The following MYO1C variants were observed in gnomAD, a reference collection of about 807,000 sequenced individuals.
MYO1C encodes the protein myosin IC.
A neutral mutation model predicts 150.8 loss-of-function variants in MYO1C; 104 were observed. The observed-to-expected ratio is 0.69, with a 90% CI of 0.59 to 0.81. The LOEUF is 0.81. Ranked by LOEUF, MYO1C falls within the 30% of genes least tolerant of loss-of-function variation. The probability of loss-of-function intolerance (pLI) is 0.00; values close to 1 mark genes in which losing one functional copy is unlikely to be tolerated. For synonymous variants in MYO1C, 663 were observed against 579.9 expected (o/e 1.14, Z -2.06); for missense variants, 1,504 against 1,435.0 (o/e 1.05, Z -0.78).
In MYO1C at chr17:1,468,305, G is replaced by C; in HGVS notation, c.2708C>G (p.Thr903Arg). 6.2e-7 allele frequency: 1 copy of C among 1,614,012 alleles called. No individual in the cohort carries two copies. The highest frequency in any genetic ancestry group is 8.5e-7 in the Non-Finnish European group (1 of 1,180,024). Residue 903 changes from threonine (T) to arginine (R), a missense_variant, in exon 27 of 32, where the codon ACA becomes AGA. Thr to Arg is a moderately conservative substitution (Grantham distance 71). Transcript: ENST00000648651. Reference sequence around the variant, plus strand: ...CAGCACTCGGGGGCTGATCTCATCTGTACCTGCAACTCAGATGGCGGGGAG... The same window carrying C: ...CAGCACTCGGGGGCTGATCTCATCTCTACCTGCAACTCAGATGGCGGGGAG... The part of the protein sequence containing the change: ...PRLFISTRLG[T>R]DEISPRVLQA...
chr17:1,487,279 T>C (rs2074674079), intron 1 of MYO1C, among the ~76,000 whole-genome samples: 2 of 152,166 alleles, frequency 1.3e-5, no homozygotes, highest in Non-Finnish European at 2.9e-5. Flanking sequence ...GGGGAGAGCC[T>C]CAGGCGCGTC....
In MYO1C at chr17:1,470,480, C is replaced by G; in HGVS notation, c.2321G>C (p.Arg774Pro). The G allele has an allele frequency of 6.4e-7, 1 of 1,551,174 alleles. No homozygotes were observed. The highest frequency in any genetic ancestry group is 8.7e-7 in the Non-Finnish European group (1 of 1,147,242). Residue 774 changes from arginine to proline, a missense_variant, in exon 23 of 32, where the codon CGG becomes CCG. By Grantham distance (103) the Arg-to-Pro change is moderately radical (BLOSUM62 -2). Transcript: ENST00000648651. ...IQSWWRGTLGRRKAAKRKWAA... is the reference protein window; with the variant it reads ...IQSWWRGTLGPRKAAKRKWAA... ...CCACTTCCTCTTGGCTGCCTTCCTCCGGCCCAGTGTTCCACGCCACCACGA... is the reference window on the plus strand; with the variant it reads ...CCACTTCCTCTTGGCTGCCTTCCTCGGGCCCAGTGTTCCACGCCACCACGA...
Position 1,465,589 on chromosome 17 carries a change from C to T in MYO1C, c.*137G>A. 4.3e-6 allele frequency: 4 copies of T among 928,586 alleles called. No homozygotes were observed. The highest frequency in any genetic ancestry group is 6.0e-6 in the Non-Finnish European group (4 of 671,166). 57.5% of individuals were successfully genotyped at this position (928,586 alleles called of 1,614,324 possible). On this transcript the variant is annotated 3_prime_UTR_variant, in exon 32 of 32. Coordinates refer to ENST00000648651, the MANE Select transcript of MYO1C (RefSeq NM_001080779.2). ...GCTGCTCCCTCAAGAGAGGGATGGG[C>T]AGGAGGTGGGAGATTGCAGGTGGGC... is the stretch of plus-strand genomic sequence containing the variant.
Position 1,479,759 on chromosome 17 carries a change from G to T in MYO1C, c.907-54C>A. On this transcript the variant is annotated intron_variant, in intron 7 of 31. Coordinates refer to ENST00000648651, the MANE Select transcript of MYO1C (RefSeq NM_001080779.2). The surrounding 1 kb of genome is among the most constrained non-coding windows in gnomAD (Gnocchi z 4.2). ...GGTGAGAGGGGCCAGAGAGCCCCAA[G>T]AGGGCAACTAGCAGATGGCCATGCA... 4 of 1,334,336 alleles carry T rather than the reference G, an allele frequency of 3.0e-6. No individual in the cohort carries two copies. Among genetic ancestry groups the T allele is most frequent in the Non-Finnish European group, 3.2e-6 (3 of 945,640 alleles). 82.7% of individuals were successfully genotyped at this position (1,334,336 alleles called of 1,614,324 possible).
Position 1,478,728 on chromosome 17 carries a change from C to T in MYO1C, c.1100G>A (p.Ser367Asn). The change falls in exon 10 of 32, where the codon AGC becomes AAC. Residue 367 changes from serine (S) to asparagine (N), a missense_variant. By Grantham distance (46) the Ser-to-Asn change is conservative. Coordinates refer to ENST00000648651, the MANE Select transcript of MYO1C (RefSeq NM_001080779.2). This position sits in a 1 kb window ranked among gnomAD's most constrained non-coding sequence, Gnocchi z 6.3. ...KIIAKGEELL[S>N]PLNLEQAAYA... ...CGCGGCCTGCTCCAGGTTCAGCGGG[C>T]TCAGGAGCTGTGGACGCAGCGTGAG... The T allele has an allele frequency of 6.2e-7, 1 of 1,614,040 alleles. No homozygotes were observed. The highest frequency in any genetic ancestry group is 1.1e-5 in the South Asian group (1 of 91,082).
At chr17:1,486,479 TCG>T (rs1334118491) in intron 1 of MYO1C, among the ~76,000 whole-genome samples, 2 of 149,664 alleles carry the variant, frequency 1.3e-5, no homozygotes, top group Non-Finnish European at 3.0e-5. Context: ...GACACCCCAC[TCG>T]CCTCTGGGCC....
chr17:1,482,453 C>G, intron 5 of MYO1C, 25 bp downstream of exon 5: 1 of 1,606,344 alleles, frequency 6.2e-7, no homozygotes, highest in Non-Finnish European at 8.5e-7. Flanking sequence ...AATGGGAATC[C>G]TCACGACACA....
intron 17 of MYO1C, 49 bp downstream of exon 17, chr17:1,474,561 G>A (rs1444273139): frequency 2.5e-6 from 4 of 1,584,904 alleles, no homozygotes; most frequent in Non-Finnish European, 2.6e-6. Context: ...AGGCCCTCAT[G>A]CACACTCAGG....
At chr17:1,483,896 G>T (rs1042806884) in intron 2 of MYO1C, among the ~76,000 whole-genome samples, 171 bp from the exon 3 acceptor site, 5 of 152,098 alleles carry the variant, frequency 3.3e-5, no homozygotes, top group Admixed American at 3.3e-4. Context: ...TACAAAATTA[G>T]CCGGGCGTGG....
At chr17:1,482,840 G>A in intron 4 of MYO1C, 21 bp downstream of exon 4, 1 of 1,200,878 alleles carries the variant, frequency 8.3e-7, no homozygotes, top group Non-Finnish European at 1.2e-6. Context: ...CTGGCACTGG[G>A]CTTCTCTCCC....
chr17:1,480,131 C>T (rs1451814543), intron 7 of MYO1C, among the ~76,000 whole-genome samples: 104 of 82,094 alleles, frequency 1.3e-3, no homozygotes, highest in South Asian at 3.7e-3. Context: ...GGCGAAAGAG[C>T]GAGACTCCAT....
chr17:1,474,551 A>T, intron 17 of MYO1C, 59 bp downstream of exon 17: 1 of 1,558,118 alleles, frequency 6.4e-7, no homozygotes, highest in Non-Finnish European at 8.8e-7. Flanking sequence ...AGGCTCACAC[A>T]GGCCCTCATG....
At chr17:1,480,672 T>C in intron 6 of MYO1C, 34 bp downstream of exon 6, 1 of 1,614,016 alleles carries the variant, frequency 6.2e-7, no homozygotes, top group Non-Finnish European at 8.5e-7. Context: ...ACCAGATCCC[T>C]GGGTGGCACC....
intron 1 of MYO1C, among the ~76,000 whole-genome samples, chr17:1,488,872 G>A (rs773006748): frequency 7.2e-5 from 11 of 152,164 alleles, no homozygotes; most frequent in African/African-American, 1.2e-4. Context: ...GGCATTTACT[G>A]GAACCACAGG....
Position 1,468,411 on chromosome 17 carries a change from G to A in MYO1C, c.2696C>T (p.Thr899Ile). The change falls in exon 26 of 32, where the codon ACT (threonine) becomes ATT (isoleucine). Residue 899 changes from threonine (T) to isoleucine (I), a missense_variant. By Grantham distance (89) the Thr-to-Ile change is moderately conservative. Transcript: ENST00000648651. ...GAAAGTCAGGGGCTCACCAAGCCGA[G>A]TGCTGATGAAGAGCCTGGGTACACT... ...PQSVPRLFIS[T>I]RLGTDEISPR... The A allele has an allele frequency of 9.3e-6, 15 of 1,614,080 alleles. No homozygotes were observed. Among genetic ancestry groups the A allele is most frequent in the Non-Finnish European group, 1.3e-5 (15 of 1,179,950 alleles).
Position 1,492,667 on chromosome 17 carries a change from G to A in MYO1C, c.-180C>T. The stretch of plus-strand genomic sequence containing the variant: ...TGGCTGGTCCAGCTCCTCAGGACAC[G>A]GCTGGAGCCGTCCAGGTCTGACTGG... On this transcript the variant is annotated 5_prime_UTR_variant, in exon 1 of 32. Coordinates refer to ENST00000648651, the MANE Select transcript of MYO1C (RefSeq NM_001080779.2). 1.5e-6 allele frequency: 1 copy of A among 652,688 alleles called. No individual in the cohort carries two copies. The allele number at this position is 652,688 out of a possible 1,614,324, so 40.4% of individuals were successfully genotyped here.
At position 1,478,799 on chromosome 17, in the gene MYO1C, A is replaced by G. The variant is rs1208915428; in HGVS notation, c.1093-64T>C. The G allele has an allele frequency of 6.2e-7, 1 of 1,604,520 alleles. No homozygotes were observed. Among genetic ancestry groups the G allele is most frequent in the Non-Finnish European group, 8.5e-7 (1 of 1,179,448 alleles). On this transcript the variant is annotated intron_variant, in intron 9 of 31. Transcript: ENST00000648651. This position sits in a 1 kb window ranked among gnomAD's most constrained non-coding sequence, Gnocchi z 6.3. ...GAGCCTGTGCATCCCACCTGCTCCC[A>G]GGCTCAGGCAGACCAGGAAGCCGCC...
intron 25 of MYO1C, 138 bp from the exon 26 acceptor site, chr17:1,468,634 C>CCCTG (rs2074232754): frequency 1.7e-5 from 12 of 700,700 alleles, no homozygotes; most frequent in South Asian, 1.6e-4. Context: ...GGAGGCTGAG[C>CCCTG]CCTGCCCCCC....
chr17:1,476,418 G>A (rs1173226061), intron 14 of MYO1C, among the ~76,000 whole-genome samples: 1 of 152,162 alleles, frequency 6.6e-6, no homozygotes, highest in Non-Finnish European at 1.5e-5. Context: ...GGTGATCTCT[G>A]CCCACCTAGG....
Sources: gnomAD v4.1 joint callset for allele counts (sites outside exome capture counted in the v4.1 genomes callset) on GRCh38, gnomAD v4.1.1 for gene constraint, Gnocchi (gnomAD v3.1) non-coding constraint, MANE v1.5 for transcripts, NCBI Gene and HGNC (gene_info 2026-07-23, HGNC 2026-07-21) for gene names.